Variants in SLCO2B1 observed in about 807,000 individuals in gnomAD.
SLCO2B1 encodes solute carrier organic anion transporter family member 2B1.
Under a neutral mutation model 67.3 loss-of-function variants are expected in SLCO2B1, and 41 were observed. The observed-to-expected ratio is 0.61, with a 90% CI of 0.47 to 0.79. The LOEUF (loss-of-function observed/expected upper bound fraction) is 0.79, where lower values mean the gene tolerates loss of function less well. SLCO2B1 is among the 30% of genes least tolerant of loss of function. The pLI is 0.00. For synonymous variants in SLCO2B1, 379 were observed against 381.4 expected, an observed-to-expected ratio of 0.99 and a Z score of 0.07; for missense variants, 837 against 920.1, an observed-to-expected ratio of 0.91 and a Z score of 1.17.
At position 75,172,438 on chromosome 11, in the gene SLCO2B1, C is replaced by T. The variant is rs751991584; in HGVS notation, c.841C>T (p.Leu281Phe). 2.5e-6 allele frequency: 4 copies of T among 1,614,096 alleles called. No homozygotes were observed. The highest frequency in any genetic ancestry group is 2.5e-6 in the Non-Finnish European group (3 of 1,180,022). Residue 281 changes from leucine (L) to phenylalanine (F), a missense_variant, in exon 7 of 14, where the codon CTC becomes TTC. Coordinates refer to ENST00000289575, the MANE Select transcript of SLCO2B1 (RefSeq NM_007256.5). ...RWVGAWWLGF[L>F]IAAGAVALAA... ...GGTGGGTGCCTGGTGGCTGGGTTTC[C>T]TCATCGCTGCCGGTGCAGTGGCCCT... is the stretch of plus-strand genomic sequence containing the variant.
chr11:75,170,550 G>C (rs1258534519), intron 6 of SLCO2B1, among the ~76,000 whole-genome samples: 1 of 152,178 alleles, frequency 6.6e-6, no homozygotes, highest in Non-Finnish European at 1.5e-5. Flanking sequence ...TGTGCCTCCT[G>C]CCATTCTCAC....
chr11:75,183,091 A>G (rs1203401821), intron 7 of SLCO2B1, among the ~76,000 whole-genome samples: 1 of 152,244 alleles, frequency 6.6e-6, no homozygotes, highest in Non-Finnish European at 1.5e-5. Flanking sequence ...AAGAAATGTT[A>G]TATGAACCAC....
At chr11:75,166,784 C>CA (rs1949898075) in intron 4 of SLCO2B1, among the ~76,000 whole-genome samples, 1 of 152,116 alleles carries the variant, frequency 6.6e-6, no homozygotes, top group South Asian at 2.1e-4. Context: ...ACAGATAAAA[C>CA]AAAAAACAAT....
Position 75,169,194 on chromosome 11 carries a change from A to G in SLCO2B1, c.470A>G (p.Lys157Arg), listed in dbSNP as rs1228243182. 31 of 1,613,540 alleles carry G rather than the reference A, an allele frequency of 1.9e-5. No homozygotes were observed. The highest frequency in any genetic ancestry group is 2.6e-5 in the Non-Finnish European group (31 of 1,179,634). Residue 157 changes from lysine to arginine, a missense_variant, in exon 5 of 14, where the codon AAG (lysine) becomes AGG (arginine). Lys to Arg is a conservative substitution (Grantham distance 26). Coordinates refer to ENST00000289575, the MANE Select transcript of SLCO2B1 (RefSeq NM_007256.5). ...TSPEDMPQDF[K>R]ASLCLPTTSA... is the part of the protein sequence containing the mutation. The stretch of plus-strand genomic sequence containing the variant: ...TCAGAGGATATGCCACAGGACTTCA[A>G]GGCTTCCCTGTGCCTGCCCACAACC...
chr11:75,194,400 C>A (rs1035582720), intron 9 of SLCO2B1, among the ~76,000 whole-genome samples: 1 of 152,206 alleles, frequency 6.6e-6, no homozygotes, highest in Non-Finnish European at 1.5e-5. Context: ...CCCACCCCTT[C>A]CTTGGCATCT....
At position 75,200,248 on chromosome 11, in the gene SLCO2B1, G is replaced by T; in HGVS notation, c.1624G>T (p.Val542Leu). ...SQVFYTNCSC[V>L]VEGNPVLAGS... ...GGTTTTCTACACCAACTGCAGCTGC[G>T]TGGTGGAGGGCAACCCCGTGCTGGC... The change falls in exon 11 of 14, where the codon GTG becomes TTG. Residue 542 changes from valine to leucine, a missense_variant. Coordinates refer to ENST00000289575, the MANE Select transcript of SLCO2B1 (RefSeq NM_007256.5). The T allele has an allele frequency of 6.2e-7, 1 of 1,613,028 alleles. No individual in the cohort carries two copies. The highest frequency in any genetic ancestry group is 8.5e-7 in the Non-Finnish European group (1 of 1,179,314).
intron 4 of SLCO2B1, among the ~76,000 whole-genome samples, chr11:75,167,017 C>T (rs538329086): frequency 5.3e-4 from 81 of 152,292 alleles, no homozygotes; most frequent in East Asian, 7.8e-4. Flanking sequence ...GGCGTGAGCA[C>T]GGGCAACTCT....
At chr11:75,188,013 C>G in intron 7 of SLCO2B1, 123 bp from the exon 8 acceptor site, 1 of 635,834 alleles carries the variant, frequency 1.6e-6, no homozygotes, top group Non-Finnish European at 2.8e-6. Flanking sequence ...CTCAATTGCT[C>G]CTGAAGAGAT....
At position 75,165,720 on chromosome 11, in the gene SLCO2B1, A is replaced by G. The variant is rs1949880830; in HGVS notation, c.286-67A>G. 2.0e-6 allele frequency: 3 copies of G among 1,514,500 alleles called. No homozygotes were observed. In the Admixed American group the frequency reaches 5.3e-5, roughly 27 times the overall value. 93.8% of individuals were successfully genotyped at this position (1,514,500 alleles called of 1,614,324 possible). ...GCATACGGAAGTTAGACATAGAGACAAGGATAGTGCAGGCCCCCAGCCCTG... is the reference window on the plus strand; with the variant it reads ...GCATACGGAAGTTAGACATAGAGACGAGGATAGTGCAGGCCCCCAGCCCTG... On this transcript the variant is annotated intron_variant, in intron 3 of 13. Coordinates refer to ENST00000289575, the MANE Select transcript of SLCO2B1 (RefSeq NM_007256.5).
At chr11:75,176,875 C>CACTG (rs1272745695) in intron 7 of SLCO2B1, among the ~76,000 whole-genome samples, 15 of 152,320 alleles carry the variant, frequency 9.8e-5, no homozygotes, top group African/African-American at 3.6e-4. Flanking sequence ...TGCTGCATCT[C>CACTG]ACTGACGGAG....
At chr11:75,176,607 C>T (rs1217936888) in intron 7 of SLCO2B1, among the ~76,000 whole-genome samples, 7 of 152,186 alleles carry the variant, frequency 4.6e-5, no homozygotes, top group Non-Finnish European at 1.0e-4. Flanking sequence ...AGTCTGTAAG[C>T]CTGTGATGTC....
At chr11:75,203,724 C>G (rs1945223188) in intron 13 of SLCO2B1, 2 of 354,088 alleles carry the variant, frequency 5.6e-6, no homozygotes, top group Admixed American at 8.6e-5. Context: ...AGAGGAGCAG[C>G]CATGCTGCGA....
Position 75,174,593 on chromosome 11 carries a change from C to A in SLCO2B1, c.972+2024C>A, listed in dbSNP as rs530910551. 3.3e-5 allele frequency among the ~76,000 whole-genome samples: 5 copies of A among 152,232 alleles called. No individual in the cohort carries two copies. In the East Asian group the frequency reaches 9.6e-4, roughly 29 times the overall value. ...CTCAGAGGCAGGGGGAAGCAGCTGC[C>A]AGGGAGTGAGCAGTTTCAGGGGAAG... On this transcript the variant is annotated intron_variant, in intron 7 of 13. Coordinates refer to ENST00000289575, the MANE Select transcript of SLCO2B1 (RefSeq NM_007256.5).
At chr11:75,172,732 A>G (rs1949978761) in intron 7 of SLCO2B1, among the ~76,000 whole-genome samples, 163 bp downstream of exon 7, 1 of 152,162 alleles carries the variant, frequency 6.6e-6, no homozygotes, top group African/African-American at 2.4e-5. Flanking sequence ...GATCGAGACC[A>G]TCCTGGCTAA....
chr11:75,203,625 G>A, intron 13 of SLCO2B1, 198 bp downstream of exon 13: 2 of 631,210 alleles, frequency 3.2e-6, no homozygotes, highest in Non-Finnish European at 5.3e-6. Context: ...GAAAGTGACA[G>A]TTAAAGCAAG....
chr11:75,176,422 TTGTC>T (rs1591821117), intron 7 of SLCO2B1, among the ~76,000 whole-genome samples: 2 of 152,212 alleles, frequency 1.3e-5, no homozygotes, highest in East Asian at 3.9e-4. Context: ...AGGAGTCTGT[TTGTC>T]TGTTATTTCT....
Position 75,164,071 on chromosome 11 carries a change from A to G in SLCO2B1, c.256A>G (p.Thr86Ala). 1 of 1,608,790 alleles carries G rather than the reference A, an allele frequency of 6.2e-7. No homozygotes were observed. The highest frequency in any genetic ancestry group is 1.7e-4 in the Middle Eastern group (1 of 6,054). Residue 86 changes from threonine to alanine, a missense_variant, in exon 3 of 14, where the codon ACG becomes GCG. By Grantham distance (58) the Thr-to-Ala change is moderately conservative. Coordinates refer to ENST00000289575, the MANE Select transcript of SLCO2B1 (RefSeq NM_007256.5). The stretch of plus-strand genomic sequence containing the variant: ...GAAGCGCTTCGGCCTCTCCAGCCAG[A>G]CGTCGGGGCTGCTGGCCTCCTTCAA... The part of the protein sequence containing the change: ...VEKRFGLSSQ[T>A]SGLLASFNEV...
Position 75,204,607 on chromosome 11 carries a change from G to A in SLCO2B1, c.*27G>A, listed in dbSNP as rs1278516951. On this transcript the variant is annotated 3_prime_UTR_variant, in exon 14 of 14. Coordinates refer to ENST00000289575, the MANE Select transcript of SLCO2B1 (RefSeq NM_007256.5). The stretch of plus-strand genomic sequence containing the variant: ...CTGTCTTGGGGCCCCACCTGGCCAA[G>A]AGTAGCAGCCACAGCAGTACCTCCT... 4 of 1,582,188 alleles carry A rather than the reference G, an allele frequency of 2.5e-6. No individual in the cohort carries two copies. Among genetic ancestry groups the A allele is most frequent in the Admixed American group, 1.8e-5 (1 of 56,324 alleles).
intron 1 of SLCO2B1, 56 bp downstream of exon 1, chr11:75,151,453 C>T (rs1949687106): frequency 1.9e-6 from 3 of 1,598,310 alleles, no homozygotes; most frequent in Admixed American, 1.7e-5. Context: ...GGGACATGTT[C>T]CCAGAGAAAA....
Sources: gnomAD v4.1 joint callset for allele counts (sites outside exome capture counted in the v4.1 genomes callset) on GRCh38, gnomAD v4.1.1 for gene constraint, MANE v1.5 for transcripts, NCBI Gene and HGNC (gene_info 2026-07-23, HGNC 2026-07-21) for gene names.